SLC9C2: variants seen among roughly 807,000 people sequenced by gnomAD.
SLC9C2 encodes the protein solute carrier family 9 member C2 (putative).
SLC9C2 carries 75 observed loss-of-function variants against 140.2 expected under a neutral mutation model. That is an observed-to-expected ratio of 0.53 (90% CI 0.44 to 0.65). SLC9C2 has a LOEUF of 0.65. SLC9C2 is among the 30% of genes least tolerant of loss of function. The pLI is 0.00. For synonymous variants in SLC9C2, 375 were observed against 420.9 expected (o/e 0.89, Z 1.34); for missense variants, 1,074 against 1,331.8 (o/e 0.81, Z 3.01).
intron 27 of SLC9C2, among the ~76,000 whole-genome samples, chr1:173,502,272 C>CAA (rs34183286): frequency 0.038 from 1,497 of 39,396 alleles, 92 homozygotes; most frequent in Middle Eastern, 0.059. Context: ...GATTCCATCT[C>CAA]AAAAAAAAAA....
At chr1:173,564,849 G>A (rs1664356820) in intron 9 of SLC9C2, among the ~76,000 whole-genome samples, 2 of 151,534 alleles carry the variant, frequency 1.3e-5, no homozygotes, top group Admixed American at 6.6e-5. Context: ...CTGTTAGCCA[G>A]GATGGTCTCG....
chr1:173,530,853 C>G (rs1661526663), intron 17 of SLC9C2, among the ~76,000 whole-genome samples: 1 of 152,046 alleles, frequency 6.6e-6, no homozygotes, highest in African/African-American at 2.4e-5. Context: ...AAAAAGTGAA[C>G]CGGGAGATGG....
In SLC9C2 at chr1:173,517,641, C is replaced by A. The variant is rs1344268578; in HGVS notation, c.2803G>T (p.Asp935Tyr). ...SNQRCDRGSR[D>Y]MFTEFCTTGD... Reference sequence around the variant, plus strand: ...GTAGTACAGAACTCTGTAAACATGTCTCTGGACCCTCTATCACACCTTTGA... The same window carrying A: ...GTAGTACAGAACTCTGTAAACATGTATCTGGACCCTCTATCACACCTTTGA... Residue 935 changes from aspartate (D) to tyrosine (Y), a missense_variant, in exon 23 of 28, where the codon GAC becomes TAC. Physicochemically the swap from Asp to Tyr is radical, Grantham distance 160. Transcript: ENST00000367714. 1 of 1,613,944 alleles carries A rather than the reference C, an allele frequency of 6.2e-7. No individual in the cohort carries two copies.
Position 173,506,902 on chromosome 1 carries a change from T to G in SLC9C2, c.3179A>C (p.Glu1060Ala). 1 of 1,613,722 alleles carries G rather than the reference T, an allele frequency of 6.2e-7. No individual in the cohort carries two copies. The highest frequency in any genetic ancestry group is 8.5e-7 in the Non-Finnish European group (1 of 1,179,900). The change falls in exon 25 of 28, where the codon GAG (glutamate) becomes GCG (alanine). Residue 1060 changes from glutamate (E) to alanine (A), a missense_variant. Physicochemically the swap from Glu to Ala is moderately radical, Grantham distance 107. Transcript: ENST00000367714. ...VYGSVIDTKT[E>A]EPYFAPCIIP... ...AATGCAAGGTGCAAAATATGGTTCC[T>G]CTGTCTTAGTATCAATTACACTGCC...
chr1:173,518,240 C>A (rs941679486), intron 22 of SLC9C2, among the ~76,000 whole-genome samples: 1 of 146,726 alleles, frequency 6.8e-6, no homozygotes. Flanking sequence ...TCCAGCTGGG[C>A]GACAAAGTGA....
intron 9 of SLC9C2, among the ~76,000 whole-genome samples, chr1:173,572,532 C>A (rs1664907166): frequency 6.6e-6 from 1 of 152,186 alleles, no homozygotes; most frequent in South Asian, 2.1e-4. Flanking sequence ...GACACAACTA[C>A]CATCAGTGGG....
chr1:173,525,663 A>C (rs77712152), intron 19 of SLC9C2, among the ~76,000 whole-genome samples: 1 of 152,252 alleles, frequency 6.6e-6, no homozygotes, highest in African/African-American at 2.4e-5. Flanking sequence ...GATAATGTAC[A>C]TAAAGAGTTA....
At chr1:173,536,480 C>T (rs1327262521) in intron 14 of SLC9C2, among the ~76,000 whole-genome samples, 3 of 152,204 alleles carry the variant, frequency 2.0e-5, no homozygotes, top group African/African-American at 4.8e-5. Flanking sequence ...GACTTAATTG[C>T]ACTTGTCAGC....
At chr1:173,532,523 T>A (rs1290705500) in intron 17 of SLC9C2, among the ~76,000 whole-genome samples, 1 of 152,226 alleles carries the variant, frequency 6.6e-6, no homozygotes. Flanking sequence ...AAGGCCACAG[T>A]AAAATTAAAT....
chr1:173,520,914 C>T (rs1248080151), intron 22 of SLC9C2, among the ~76,000 whole-genome samples: 1 of 151,026 alleles, frequency 6.6e-6, no homozygotes, highest in African/African-American at 2.4e-5. Context: ...CTCTCTCCCT[C>T]TCTCTCTCTC....
At chr1:173,557,111 A>G (rs1177012841) in intron 10 of SLC9C2, among the ~76,000 whole-genome samples, 1 of 152,196 alleles carries the variant, frequency 6.6e-6, no homozygotes, top group Non-Finnish European at 1.5e-5. Flanking sequence ...TGGAGTCCAG[A>G]TCAGAGCCCA....
intron 9 of SLC9C2, among the ~76,000 whole-genome samples, chr1:173,561,392 G>T (rs1315067691): frequency 1.3e-5 from 2 of 152,148 alleles, no homozygotes; most frequent in African/African-American, 4.8e-5. Flanking sequence ...CTTCTAAGCT[G>T]AAAGACTACT....
In SLC9C2 at chr1:173,516,180, T is replaced by G. The variant is rs992902693; in HGVS notation, c.2907+1357A>C. The stretch of plus-strand genomic sequence containing the variant: ...GCAGGACCCATTTAACGAACCACTT[T>G]GTCCCTTGGTCTTTGGCTCATTTCT... On this transcript the variant is annotated intron_variant, in intron 23 of 27. Transcript: ENST00000367714. Among the ~76,000 whole-genome samples, 5 of 152,346 alleles carry G rather than the reference T, an allele frequency of 3.3e-5. No individual in the cohort carries two copies. The East Asian group carries it at 9.6e-4, about 29-fold the overall frequency.
Position 173,506,915 on chromosome 1 carries a change from C to G in SLC9C2, c.3166G>C (p.Asp1056His). Reference protein sequence around the residue: ...FVIIVYGSVIDTKTEEPYFAP... With the variant: ...FVIIVYGSVIHTKTEEPYFAP... ...AAATATGGTTCCTCTGTCTTAGTAT[C>G]AATTACACTGCCATACACAATGATA... is the stretch of plus-strand genomic sequence containing the variant. The change falls in exon 25 of 28, where the codon GAT becomes CAT. Residue 1056 changes from aspartate (D) to histidine (H), a missense_variant. Coordinates refer to ENST00000367714, the MANE Select transcript of SLC9C2 (RefSeq NM_178527.4). The G allele has an allele frequency of 6.2e-7, 1 of 1,613,870 alleles. No individual in the cohort carries two copies. Among genetic ancestry groups the G allele is most frequent in the Non-Finnish European group, 8.5e-7 (1 of 1,179,922 alleles).
rs375562821 is a variant in SLC9C2, at chr1:173,517,522, G to A, written c.2907+15C>T. 2.9e-5 allele frequency: 46 copies of A among 1,582,584 alleles called. No individual in the cohort carries two copies. The highest frequency in any genetic ancestry group is 1.7e-4 in the Middle Eastern group (1 of 5,928). On this transcript the variant is annotated intron_variant, in intron 23 of 27. Transcript: ENST00000367714. Reference sequence around the variant, plus strand: ...GAAGAATAATTAATAACTCATGACAGAACCATTTTCCTACCTGTAAACTAG... The same window carrying A: ...GAAGAATAATTAATAACTCATGACAAAACCATTTTCCTACCTGTAAACTAG...
At chr1:173,565,466 T>C (rs1452188003) in intron 9 of SLC9C2, among the ~76,000 whole-genome samples, 4 of 152,212 alleles carry the variant, frequency 2.6e-5, no homozygotes, top group Non-Finnish European at 5.9e-5. Flanking sequence ...GAAGAGACTG[T>C]TCTTTCTCCA....
At chr1:173,537,481 G>A (rs969543432) in intron 13 of SLC9C2, among the ~76,000 whole-genome samples, 11 of 152,062 alleles carry the variant, frequency 7.2e-5, no homozygotes, top group Non-Finnish European at 1.6e-4. Context: ...AGAATCGCTT[G>A]AACCCAGGAG....
chr1:173,561,081 C>G (rs1664071985), intron 9 of SLC9C2, among the ~76,000 whole-genome samples: 1 of 152,200 alleles, frequency 6.6e-6, no homozygotes, highest in African/African-American at 2.4e-5. Flanking sequence ...CATGTGTGAG[C>G]CACCGTGCCC....
chr1:173,515,365 CT>C (rs1660342060), intron 23 of SLC9C2, among the ~76,000 whole-genome samples: 1 of 152,060 alleles, frequency 6.6e-6, no homozygotes, highest in African/African-American at 2.4e-5. Context: ...CCTTTTCATT[CT>C]TTTTTTCTCT....
Sources: gnomAD v4.1 joint callset for allele counts (sites outside exome capture counted in the v4.1 genomes callset) on GRCh38, gnomAD v4.1.1 for gene constraint, MANE v1.5 for transcripts, NCBI Gene and HGNC (gene_info 2026-07-23, HGNC 2026-07-21) for gene names.